The following ARHGAP29 variants were observed in gnomAD, a reference collection of about 807,000 sequenced individuals.
The protein encoded by ARHGAP29 is Rho GTPase activating protein 29.
ARHGAP29 carries 43 observed loss-of-function variants against 122.6 expected under a neutral mutation model. The ratio of observed to expected loss-of-function variants is 0.35; its 90% CI spans 0.27 to 0.45. ARHGAP29 has a LOEUF of 0.45. ARHGAP29 is among the 20% of genes least tolerant of loss of function. The pLI is 1.00. For missense variants in ARHGAP29, 1,303 were observed against 1,477.2 expected (o/e 0.88, Z 1.93); for synonymous variants, 506 against 497.1 (o/e 1.02, Z -0.24).
chr1:94,190,237 G>A, intron 12 of ARHGAP29, 154 bp from the exon 13 acceptor site: 1 of 726,250 alleles, frequency 1.4e-6, no homozygotes, highest in Non-Finnish European at 2.1e-6. Flanking sequence ...GCCTGATTTT[G>A]CATAAGTCTA....
intron 3 of ARHGAP29, among the ~76,000 whole-genome samples, chr1:94,218,553 G>A (rs1323321964): frequency 1.3e-5 from 2 of 152,118 alleles, no homozygotes; most frequent in South Asian, 2.1e-4. Flanking sequence ...GAACTAGGTC[G>A]CTATTTCCAA....
Position 94,188,873 on chromosome 1 carries a change from C to T in ARHGAP29, c.1645G>A (p.Glu549Lys). The change falls in exon 15 of 23, where the codon GAA becomes AAA. Residue 549 changes from glutamate (E) to lysine (K), a missense_variant. By Grantham distance (56) the Glu-to-Lys change is moderately conservative. Transcript: ENST00000260526. ...GATTCTGAATCCAGAGATCTAGATT[C>T]GCTGCTCCCTCCAGTGCTCTCAGAA... is the stretch of plus-strand genomic sequence containing the variant. ...SDSESTGGSS[E>K]SRSLDSESIS... The T allele has an allele frequency of 1.9e-6, 3 of 1,613,068 alleles. No individual in the cohort carries two copies. The highest frequency in any genetic ancestry group is 1.3e-5 in the African/African-American group (1 of 74,992).
chr1:94,175,450 CT>C (rs899301667), intron 22 of ARHGAP29, among the ~76,000 whole-genome samples: 1 of 152,182 alleles, frequency 6.6e-6, no homozygotes, highest in Non-Finnish European at 1.5e-5. Flanking sequence ...CATTCTCCTG[CT>C]TTTCTGTTCA....
chr1:94,217,529 C>CAA (rs11297785), intron 3 of ARHGAP29, among the ~76,000 whole-genome samples: 5 of 127,714 alleles, frequency 3.9e-5, no homozygotes, highest in African/African-American at 1.2e-4. Flanking sequence ...GACACCGTCT[C>CAA]AAAAAAAAAA....
the ARHGAP29 span, among the ~76,000 whole-genome samples, chr1:94,312,426 C>T: frequency 2.0e-5 from 3 of 146,916 alleles, no homozygotes; most frequent in Admixed American, 6.7e-5. Context: ...GAGATGTCCC[C>T]CCTCCTTCTT....
rs1034317387 is a variant in ARHGAP29 at position 94,171,277 on chromosome 1, T to G, written c.*2592A>C. ...GGATCATATAGTCTTTGTCTCTGTA[T>G]CAAAACAAATACACTGCCTAAGGTA... On this transcript the variant is annotated 3_prime_UTR_variant, in exon 23 of 23. Coordinates refer to ENST00000260526, the MANE Select transcript of ARHGAP29 (RefSeq NM_004815.4). Among the ~76,000 whole-genome samples the G allele has an allele frequency of 3.9e-5, 6 of 152,148 alleles. No homozygotes were observed. Among genetic ancestry groups the G allele is most frequent in the African/African-American group, 1.4e-4 (6 of 41,428 alleles).
upstream of ARHGAP29, chr1:94,237,644 C>T: frequency 1.0e-6 from 1 of 986,630 alleles, no homozygotes; most frequent in Non-Finnish European, 1.2e-6. Flanking sequence ...GCCAGCCCCG[C>T]CCCCTGGAGC....
At chr1:94,209,534 A>C (rs1005995733) in intron 3 of ARHGAP29, among the ~76,000 whole-genome samples, 184 bp from the exon 4 acceptor site, 35 of 152,224 alleles carry the variant, frequency 2.3e-4, no homozygotes, top group African/African-American at 7.7e-4. Context: ...CATATAAAAG[A>C]ATCAGCTTGC....
rs376346493 is a variant in ARHGAP29, at chr1:94,170,822, T to C, written c.*3047A>G. Among the ~76,000 whole-genome samples the C allele has an allele frequency of 6.6e-6, 1 of 152,208 alleles. No individual in the cohort carries two copies. The highest frequency in any genetic ancestry group is 2.1e-4 in the South Asian group (1 of 4,828). ...TAACATTTTCTCCATCAAGATCTTGTACATCTTTTGTTAGACTTATTCTTA... is the reference window on the plus strand; with the variant it reads ...TAACATTTTCTCCATCAAGATCTTGCACATCTTTTGTTAGACTTATTCTTA... On this transcript the variant is annotated 3_prime_UTR_variant, in exon 23 of 23. Transcript: ENST00000260526.
chr1:94,260,385 C>T (rs1654514436), intron 1 of ARHGAP29, among the ~76,000 whole-genome samples: 1 of 152,182 alleles, frequency 6.6e-6, no homozygotes, highest in Non-Finnish European at 1.5e-5. Context: ...GGATTTCTTA[C>T]ACTTTCAATT....
At position 94,186,589 on chromosome 1, in the gene ARHGAP29, G is replaced by C. The variant is rs771296450; in HGVS notation, c.1690C>G (p.His564Asp). ...DSESISPGDF[H>D]RKLPRTPSSG... is the part of the protein sequence containing the mutation. ...GATGGTGTTCGTGGAAGTTTTCGAT[G>C]AAAGTCTCCTAGAAGAAAATTGTGG... The change falls in exon 16 of 23, where the codon CAT becomes GAT. Residue 564 changes from histidine to aspartate, a missense_variant. By Grantham distance (81) the His-to-Asp change is moderately conservative. Around this residue, in one of 3 missense-constraint regions of ARHGAP29, gnomAD observed 592 missense variants for 648.2 expected, o/e 0.91. Transcript: ENST00000260526. The C allele has an allele frequency of 1.1e-4, 180 of 1,612,846 alleles. 6 individuals carry two copies. The South Asian group carries it at 1.8e-3, about 16-fold the overall frequency.
At chr1:94,313,297 G>A in the ARHGAP29 span, among the ~76,000 whole-genome samples, 1 of 152,200 alleles carries the variant, frequency 6.6e-6, no homozygotes, top group South Asian at 2.1e-4. Flanking sequence ...CTTCCATAAT[G>A]GCATCATCTC....
the ARHGAP29 span, among the ~76,000 whole-genome samples, chr1:94,292,394 A>G: frequency 4.6e-3 from 695 of 152,290 alleles, 1 homozygote; most frequent in Middle Eastern, 0.014. Flanking sequence ...GCGATGAGTT[A>G]GAATGTGGTC....
chr1:94,201,730 G>A lies in ARHGAP29; in HGVS notation c.1271C>T (p.Thr424Ile). The change falls in exon 12 of 23, where the codon ACC becomes ATC. Residue 424 changes from threonine (T) to isoleucine (I), a missense_variant. By Grantham distance (89) the Thr-to-Ile change is moderately conservative. Transcript: ENST00000260526. ...GAAGAAATTACTTACAGCTTTAAGG[G>A]TAAGATCACACTGGAAAACAAGTGT... Reference protein sequence around the residue: ...LRTLVFQCDLTLKAVTVNLFH... With the variant: ...LRTLVFQCDLILKAVTVNLFH... The A allele has an allele frequency of 6.2e-7, 1 of 1,613,642 alleles. No individual in the cohort carries two copies. The highest frequency in any genetic ancestry group is 8.5e-7 in the Non-Finnish European group (1 of 1,179,878).
chr1:94,299,026 G>A, the ARHGAP29 span, among the ~76,000 whole-genome samples: 3 of 152,294 alleles, frequency 2.0e-5, no homozygotes, highest in South Asian at 2.1e-4. Flanking sequence ...AATGAGAAAG[G>A]TCACCATTAT....
chr1:94,175,548 T>TCTCTGCCACCCAGTCCTTC (rs1649042519), intron 22 of ARHGAP29, among the ~76,000 whole-genome samples: 1 of 152,126 alleles, frequency 6.6e-6, no homozygotes, highest in African/African-American at 2.4e-5. Context: ...TGCAATCCTT[T>TCTCTGCCACCCAGTCCTTC]CTCTGCCACC....
intron 1 of ARHGAP29, among the ~76,000 whole-genome samples, chr1:94,270,064 G>C (rs1348453882): frequency 6.6e-6 from 1 of 152,146 alleles, no homozygotes; most frequent in Non-Finnish European, 1.5e-5. Context: ...CTGAAAAAGA[G>C]AGCTGCACAA....
chr1:94,294,653 G>C, the ARHGAP29 span, among the ~76,000 whole-genome samples: 5 of 152,230 alleles, frequency 3.3e-5, no homozygotes, highest in Non-Finnish European at 7.4e-5. Context: ...GATGATAGGT[G>C]TATTTGTTGT....
chr1:94,205,797 G>T, intron 5 of ARHGAP29, 114 bp from the exon 6 acceptor site: 2 of 907,978 alleles, frequency 2.2e-6, no homozygotes, highest in Non-Finnish European at 3.4e-6. Flanking sequence ...AGAATTTCAA[G>T]TATTTAAAAC....
Sources: allele counts gnomAD v4.1 joint callset (sites outside exome capture counted in the v4.1 genomes callset), GRCh38; gene constraint gnomAD v4.1.1; regional missense constraint gnomAD v4.1.1; transcripts MANE v1.5; gene names NCBI Gene and HGNC (gene_info 2026-07-23, HGNC 2026-07-21).